ZNF560: variants seen among roughly 807,000 people sequenced by gnomAD.
ZNF560 encodes zinc finger protein 560.
A neutral mutation model predicts 81.8 loss-of-function variants in ZNF560; 54 were observed. The ratio of observed to expected loss-of-function variants is 0.66; its 90% CI spans 0.53 to 0.83. ZNF560 has a LOEUF of 0.83. Among genes scored for constraint, ZNF560 ranks in the 40% least tolerant of loss-of-function variants. ZNF560 has a pLI of 0.00. For missense variants in ZNF560, 940 were observed against 932.4 expected (o/e 1.01, Z -0.11); for synonymous variants, 321 against 317.9 (o/e 1.01, Z -0.10).
At chr19:9,462,201 C>G (rs1038161761), downstream of ZNF560, among the ~76,000 whole-genome samples, 7 of 152,190 alleles carry the variant, frequency 4.6e-5, no homozygotes, top group African/African-American at 1.7e-4. Context: ...CTGTGACATG[C>G]TCGTGATGGT....
In ZNF560 at chr19:9,484,000, C is replaced by T. The variant is rs190426931; in HGVS notation, c.-56-8631G>A. Reference sequence around the variant, plus strand: ...TTGATCTGTGACCTTACCCCCAACCCGGTGCTCTCTGAAACATGTGCTGTG... The same window carrying T: ...TTGATCTGTGACCTTACCCCCAACCTGGTGCTCTCTGAAACATGTGCTGTG... On this transcript the variant is annotated intron_variant, in intron 2 of 9. Transcript: ENST00000301480. Among the ~76,000 whole-genome samples the T allele has an allele frequency of 8.0e-3, 1,218 of 151,788 alleles. 7 individuals carry two copies. Among genetic ancestry groups the T allele is most frequent in the Non-Finnish European group, 0.011 (728 of 67,904 alleles).
chr19:9,474,846 T>G (rs1402499009), intron 3 of ZNF560, among the ~76,000 whole-genome samples: 3 of 142,226 alleles, frequency 2.1e-5, no homozygotes, highest in Non-Finnish European at 4.5e-5. Flanking sequence ...TTTTTTTTTT[T>G]TGTGGAGACA....
rs1367186462 is a variant in ZNF560 at position 9,483,454 on chromosome 19, C to T, written c.-56-8085G>A. On this transcript the variant is annotated intron_variant, in intron 2 of 9. Coordinates refer to ENST00000301480, the MANE Select transcript of ZNF560 (RefSeq NM_152476.3). ...GCCACCCCATCTGGGAAGTGAGGAG[C>T]GTCTCCGCCTGGCAGCTGCCCTGTC... is the stretch of plus-strand genomic sequence containing the variant. Among the ~76,000 whole-genome samples, 7 of 149,104 alleles carry T rather than the reference C, an allele frequency of 4.7e-5. 1 individual carries two copies. The highest frequency in any genetic ancestry group is 1.5e-4 in the African/African-American group (6 of 40,292).
At chr19:9,493,592 C>T (rs147032612) in intron 2 of ZNF560, among the ~76,000 whole-genome samples, 16,049 of 152,000 alleles carry the variant, frequency 0.11, 1,007 homozygotes, top group South Asian at 0.2. Context: ...AAACTCCTGA[C>T]GTCAAGTGAT....
At chr19:9,502,955 T>C (rs983634575), upstream of ZNF560, among the ~76,000 whole-genome samples, 1 of 152,164 alleles carries the variant, frequency 6.6e-6, no homozygotes, top group Non-Finnish European at 1.5e-5. Context: ...CCATTTCACG[T>C]ATTTCCCTTC....
chr19:9,470,272 T>A (rs2073100507), intron 7 of ZNF560, 120 bp downstream of exon 7: 2 of 1,352,044 alleles, frequency 1.5e-6, no homozygotes, highest in Non-Finnish European at 2.0e-6. Flanking sequence ...AAAAAAATTT[T>A]TTTTCAGTGT....
chr19:9,467,568 T>C lies in ZNF560; in HGVS notation c.1379A>G (p.Tyr460Cys), dbSNP rs2073047543. 1 of 1,614,084 alleles carries C rather than the reference T, an allele frequency of 6.2e-7. No homozygotes were observed. The highest frequency in any genetic ancestry group is 1.1e-5 in the South Asian group (1 of 91,088). ...HLRVHNGEKP[Y>C]EHKEYGKAFG... is the part of the protein sequence containing the mutation. ...GGCCTTCCCATATTCCTTATGCTCA[T>C]ATGGCTTCTCTCCATTATGAACTCT... The change falls in exon 10 of 10, where the codon TAT becomes TGT. Residue 460 changes from tyrosine to cysteine, a missense_variant. Coordinates refer to ENST00000301480, the MANE Select transcript of ZNF560 (RefSeq NM_152476.3).
At chr19:9,474,562 C>T (rs959731086) in intron 3 of ZNF560, among the ~76,000 whole-genome samples, 5 of 152,190 alleles carry the variant, frequency 3.3e-5, no homozygotes, top group African/African-American at 9.7e-5. Flanking sequence ...AACTTCTCAT[C>T]ACAAGCAGAC....
the ZNF560 span, among the ~76,000 whole-genome samples, chr19:9,448,473 T>C: frequency 7.0e-6 from 1 of 141,984 alleles, no homozygotes; most frequent in African/African-American, 2.7e-5. Flanking sequence ...TGACCTGAGG[T>C]GTCCACCCTC....
intron 2 of ZNF560, among the ~76,000 whole-genome samples, chr19:9,492,765 AC>A (rs1232917801): frequency 9.2e-5 from 14 of 152,298 alleles, no homozygotes; most frequent in African/African-American, 3.1e-4. Flanking sequence ...CTACTATCTC[AC>A]CACAGTCAGA....
chr19:9,467,989 T>A lies in ZNF560; in HGVS notation c.958A>T (p.Asn320Tyr). ...HRKTQSGEKL[N>Y]EWKQCGEAFT... ...GCTTCCCCACATTGCTTCCATTCAT[T>A]GAGTTTTTCTCCACTCTGAGTTTTC... Residue 320 changes from asparagine to tyrosine, a missense_variant, in exon 10 of 10, where the codon AAT becomes TAT. Coordinates refer to ENST00000301480, the MANE Select transcript of ZNF560 (RefSeq NM_152476.3). The A allele has an allele frequency of 6.2e-7, 1 of 1,614,042 alleles. No homozygotes were observed. The highest frequency in any genetic ancestry group is 1.1e-5 in the South Asian group (1 of 91,074).
chr19:9,449,664 GC>G, the ZNF560 span, among the ~76,000 whole-genome samples: 1 of 152,182 alleles, frequency 6.6e-6, no homozygotes, highest in African/African-American at 2.4e-5. Context: ...AAAGCTGGAA[GC>G]ACCCCACTTA....
At chr19:9,505,218 G>A in the ZNF560 span, among the ~76,000 whole-genome samples, 1 of 152,168 alleles carries the variant, frequency 6.6e-6, no homozygotes, top group Non-Finnish European at 1.5e-5. Context: ...ATACCATCAT[G>A]CATGGCTTAT....
At chr19:9,464,356 C>A (rs547131264), downstream of ZNF560, among the ~76,000 whole-genome samples, 2 of 152,308 alleles carry the variant, frequency 1.3e-5, no homozygotes, top group East Asian at 3.9e-4. Flanking sequence ...ACAGTGGCAT[C>A]AAAGACAACA....
intron 5 of ZNF560, 63 bp from the exon 6 acceptor site, chr19:9,471,441 T>C: frequency 9.0e-7 from 1 of 1,108,032 alleles, no homozygotes; most frequent in Non-Finnish European, 1.3e-6. Context: ...AATGAAAGAG[T>C]TAAAAATTAT....
At chr19:9,484,475 C>T (rs12459594) in intron 2 of ZNF560, among the ~76,000 whole-genome samples, 3 of 151,744 alleles carry the variant, frequency 2.0e-5, no homozygotes, top group African/African-American at 4.8e-5. Flanking sequence ...AGAAGCATAA[C>T]ATATCTCATT....
the ZNF560 span, among the ~76,000 whole-genome samples, chr19:9,454,976 A>C: frequency 1.5e-4 from 23 of 152,136 alleles, no homozygotes; most frequent in African/African-American, 5.3e-4. Context: ...AAGATAGGGA[A>C]TGGCCTGACC....
chr19:9,469,795 A>C, intron 7 of ZNF560, 85 bp from the exon 8 acceptor site: 1 of 1,169,336 alleles, frequency 8.6e-7, no homozygotes, highest in Non-Finnish European at 1.3e-6. Context: ...TACGTTTCTA[A>C]TTAAAGCAGT....
chr19:9,500,851 A>T (rs1186590593), upstream of ZNF560, among the ~76,000 whole-genome samples: 1 of 152,170 alleles, frequency 6.6e-6, no homozygotes, highest in Non-Finnish European at 1.5e-5. Flanking sequence ...CTGGGATTAC[A>T]GGTGTGAGCC....
Sources: gnomAD v4.1 joint callset for allele counts (sites outside exome capture counted in the v4.1 genomes callset) on GRCh38, gnomAD v4.1.1 for gene constraint, MANE v1.5 for transcripts, NCBI Gene and HGNC (gene_info 2026-07-23, HGNC 2026-07-21) for gene names.